The following PTPRD variants were observed in gnomAD, a reference collection of about 807,000 sequenced individuals.
PTPRD encodes protein tyrosine phosphatase receptor type D.
In PTPRD, 34 loss-of-function variants were observed where a neutral mutation model predicts 214.5. The ratio of observed to expected loss-of-function variants is 0.16; its 90% confidence interval spans 0.12 to 0.21. The LOEUF (loss-of-function observed/expected upper bound fraction) is 0.21, where lower values mean the gene tolerates loss of function less well. PTPRD is among the 10% of genes least tolerant of loss of function. The pLI is 1.00. For missense variants in PTPRD, 2,545 were observed against 2,398.7 expected, an observed-to-expected ratio of 1.06 and a Z score of -1.27; for synonymous variants, 1,128 against 845.7, an observed-to-expected ratio of 1.33 and a Z score of -5.79.
chr9:8,372,154 T>C (rs1415711819), intron 39 of PTPRD, among the ~76,000 whole-genome samples: 1 of 152,018 alleles, frequency 6.6e-6, no homozygotes, highest in African/African-American at 2.4e-5. Context: ...ATTGCCATAG[T>C]AGAAAATATG....
intron 11 of PTPRD, among the ~76,000 whole-genome samples, chr9:8,852,872 T>C (rs2154543406): frequency 6.6e-6 from 1 of 152,252 alleles, no homozygotes; most frequent in Non-Finnish European, 1.5e-5. Context: ...CTAAAAATAA[T>C]TAACAGGAAG....
intron 8 of PTPRD, among the ~76,000 whole-genome samples, chr9:9,477,010 C>T (rs13286953): frequency 0.08 from 12,215 of 152,168 alleles, 605 homozygotes; most frequent in South Asian, 0.14. Context: ...GCTGGGATTA[C>T]AGGTGTGAGC....
chr9:9,129,527 G>T (rs1190772948), intron 10 of PTPRD, among the ~76,000 whole-genome samples: 1 of 151,994 alleles, frequency 6.6e-6, no homozygotes, highest in East Asian at 1.9e-4. Flanking sequence ...GGAAGTCTTG[G>T]TCCTTTTAGC....
chr9:10,148,335 T>C (rs1048116768), intron 3 of PTPRD, among the ~76,000 whole-genome samples: 2 of 152,204 alleles, frequency 1.3e-5, no homozygotes, highest in African/African-American at 4.8e-5. Flanking sequence ...CTGATAATTT[T>C]TAAAGTACAT....
chr9:8,709,750 T>C (rs538890439), intron 12 of PTPRD, among the ~76,000 whole-genome samples: 1 of 152,114 alleles, frequency 6.6e-6, no homozygotes, highest in East Asian at 1.9e-4. Flanking sequence ...TAGATCCTAA[T>C]GGAAGAGTCA....
intron 39 of PTPRD, among the ~76,000 whole-genome samples, chr9:8,357,969 T>G (rs1478399169): frequency 6.6e-6 from 1 of 152,236 alleles, no homozygotes. Flanking sequence ...CAATACTTCT[T>G]GGTCTTTGAG....
intron 11 of PTPRD, among the ~76,000 whole-genome samples, chr9:8,901,221 C>T (rs1183294122): frequency 6.6e-6 from 1 of 152,162 alleles, no homozygotes; most frequent in Non-Finnish European, 1.5e-5. Context: ...ACAAATCTAA[C>T]ATTTGCATCT....
intron 7 of PTPRD, among the ~76,000 whole-genome samples, chr9:9,711,356 C>T (rs539601414): frequency 1.1e-4 from 16 of 151,998 alleles, no homozygotes; most frequent in South Asian, 4.1e-4. Context: ...AATCTACCAA[C>T]GATGATAAAT....
chr9:10,299,066 T>C (rs2095783462), intron 3 of PTPRD, among the ~76,000 whole-genome samples: 1 of 152,156 alleles, frequency 6.6e-6, no homozygotes, highest in Non-Finnish European at 1.5e-5. Context: ...TCTGATAATG[T>C]AGTAAATGTT....
At chr9:9,860,683 C>A (rs1355653585) in intron 5 of PTPRD, among the ~76,000 whole-genome samples, 2 of 152,172 alleles carry the variant, frequency 1.3e-5, no homozygotes, top group Non-Finnish European at 2.9e-5. Flanking sequence ...ATGTCAATGT[C>A]ACTTAGACTA....
intron 44 of PTPRD, among the ~76,000 whole-genome samples, chr9:8,321,479 G>A (rs1223980417): frequency 0.017 from 979 of 57,230 alleles, 14 homozygotes; most frequent in African/African-American, 0.046. Context: ...GTGTGTGTGT[G>A]TGTGTGTGTA....
intron 3 of PTPRD, among the ~76,000 whole-genome samples, chr9:10,189,376 G>C (rs1192952103): frequency 6.6e-6 from 1 of 152,122 alleles, no homozygotes; most frequent in Non-Finnish European, 1.5e-5. Flanking sequence ...AGCTAGCCCA[G>C]AATTCCTTAC....
intron 11 of PTPRD, among the ~76,000 whole-genome samples, chr9:8,833,169 G>T (rs939417359): frequency 4.6e-5 from 7 of 152,146 alleles, no homozygotes; most frequent in Non-Finnish European, 8.8e-5. Flanking sequence ...GAGCTGGGAA[G>T]TTTACAGCTT....
chr9:10,459,840 G>A (rs1000112042), intron 2 of PTPRD, among the ~76,000 whole-genome samples: 2 of 151,520 alleles, frequency 1.3e-5, no homozygotes, highest in African/African-American at 4.8e-5. Context: ...AAATTTATCA[G>A]TATTTTAATT....
intron 34 of PTPRD, 92 bp from the exon 35 acceptor site, chr9:8,436,781 G>A: frequency 1.9e-6 from 2 of 1,027,784 alleles, no homozygotes; most frequent in Non-Finnish European, 2.9e-6. Context: ...AGTTAGAAAT[G>A]GCCTGAAAAT....
chr9:10,379,147 G>A (rs1418469545), intron 2 of PTPRD, among the ~76,000 whole-genome samples: 2 of 150,280 alleles, frequency 1.3e-5, no homozygotes, highest in Admixed American at 1.3e-4. Flanking sequence ...AAATGCTACT[G>A]ATTTTTTTTA....
At chr9:10,429,614 AG>A (rs1245457215) in intron 2 of PTPRD, among the ~76,000 whole-genome samples, 1 of 151,830 alleles carries the variant, frequency 6.6e-6, no homozygotes, top group Admixed American at 6.6e-5. Context: ...CTCATAAGTG[AG>A]GGATAAAAAA....
intron 9 of PTPRD, among the ~76,000 whole-genome samples, chr9:9,350,912 A>C (rs2050847478): frequency 6.6e-6 from 1 of 152,090 alleles, no homozygotes; most frequent in Non-Finnish European, 1.5e-5. Flanking sequence ...TCCAGTTGTC[A>C]TCAAAAATGA....
intron 8 of PTPRD, among the ~76,000 whole-genome samples, chr9:9,485,670 T>C (rs945834692): frequency 6.6e-6 from 1 of 152,218 alleles, no homozygotes; most frequent in East Asian, 1.9e-4. Context: ...CTTCTTCTAT[T>C]ATTTTCTTCT....
Sources: gnomAD v4.1 joint callset for allele counts (sites outside exome capture counted in the v4.1 genomes callset) on GRCh38, gnomAD v4.1.1 for gene constraint, MANE v1.5 for transcripts, NCBI Gene and HGNC (gene_info 2026-07-23, HGNC 2026-07-21) for gene names.